Variants in RAB11FIP4 observed in about 807,000 individuals in gnomAD.
RAB11FIP4 encodes rab11 family-interacting protein 4.
A neutral mutation model predicts 74.3 loss-of-function variants in RAB11FIP4; 23 were observed. That is an observed-to-expected ratio of 0.31 (90% CI 0.22 to 0.44). RAB11FIP4 has a LOEUF of 0.44. Among genes scored for constraint, RAB11FIP4 ranks in the 20% least tolerant of loss-of-function variants. The pLI, the probability that RAB11FIP4 is intolerant of heterozygous loss-of-function variation, is 1.00. For missense variants in RAB11FIP4, 630 were observed against 863.9 expected, an observed-to-expected ratio of 0.73 and a Z score of 3.39; for synonymous variants, 360 against 359.9, an observed-to-expected ratio of 1.00 and a Z score of 0.00.
In RAB11FIP4 at chr17:31,504,918, C is replaced by A. The variant is rs116184641; in HGVS notation, c.337-12733C>A. Among the ~76,000 whole-genome samples the A allele has an allele frequency of 4.4e-3, 667 of 152,294 alleles. 3 individuals carry two copies. Among genetic ancestry groups the A allele is most frequent in the African/African-American group, 0.015 (636 of 41,560 alleles). On this transcript the variant is annotated intron_variant, in intron 3 of 14. Coordinates refer to ENST00000621161, the MANE Select transcript of RAB11FIP4 (RefSeq NM_032932.6). ...ATCACCCGAGAACTTGTTAGAAATG[C>A]GTTTTCTTCCAGCCTGCCTCAACCT...
rs560760611 is a variant in RAB11FIP4 at position 31,392,202 on chromosome 17, C to T, written c.159+191C>T. On this transcript the variant is annotated intron_variant, in intron 1 of 14. Coordinates refer to ENST00000621161, the MANE Select transcript of RAB11FIP4 (RefSeq NM_032932.6). Reference sequence around the variant, plus strand: ...GGCCCAGCCGGGCCCTCGCTTTCCGCCCCCCGGCGCCCGTGCCCCGAGCGT... The same window carrying T: ...GGCCCAGCCGGGCCCTCGCTTTCCGTCCCCCGGCGCCCGTGCCCCGAGCGT... 3.0e-3 allele frequency: 1,171 copies of T among 389,088 alleles called. 5 individuals carry two copies. Among genetic ancestry groups the T allele is most frequent in the Non-Finnish European group, 3.4e-3 (780 of 229,054 alleles). The allele number at this position is 389,088 out of a possible 1,614,324, so 24.1% of individuals were successfully genotyped here.
At chr17:31,447,579 A>G (rs1215910585) in intron 3 of RAB11FIP4, among the ~76,000 whole-genome samples, 1 of 152,024 alleles carries the variant, frequency 6.6e-6, no homozygotes, top group Non-Finnish European at 1.5e-5. Context: ...CTGGAGTGCA[A>G]TAGTACGATC....
At chr17:31,416,582 C>G (rs75556842) in intron 1 of RAB11FIP4, among the ~76,000 whole-genome samples, 5,228 of 152,288 alleles carry the variant, frequency 0.034, 154 homozygotes, top group Non-Finnish European at 0.055. Flanking sequence ...TATTGTGTGC[C>G]CTGATGTCAG....
chr17:31,452,180 C>T (rs1001885420), intron 3 of RAB11FIP4, among the ~76,000 whole-genome samples: 3 of 152,084 alleles, frequency 2.0e-5, no homozygotes, highest in African/African-American at 7.2e-5. Flanking sequence ...TCCTGTCATC[C>T]CCCACTGGCC....
intron 3 of RAB11FIP4, among the ~76,000 whole-genome samples, chr17:31,489,744 G>A (rs1180248365): frequency 6.6e-6 from 1 of 152,190 alleles, no homozygotes; most frequent in Non-Finnish European, 1.5e-5. Context: ...AGTGTCGCCT[G>A]GCGGGGTGAG....
chr17:31,418,463 A>ATTTTTTT (rs71142049), intron 1 of RAB11FIP4, among the ~76,000 whole-genome samples: 11 of 134,268 alleles, frequency 8.2e-5, no homozygotes, highest in African/African-American at 2.3e-4. Flanking sequence ...AGTTCCCTTG[A>ATTTTTTT]TTTTTTTTTT....
rs2072930683 is a variant in RAB11FIP4 at position 31,534,800 on chromosome 17, T to C, written c.*3068T>C. ...CAGTAACTTATCTGAAATTTAGAGG[T>C]GTTTTGGGGGTGGGGCGAGGGTTTC... On this transcript the variant is annotated 3_prime_UTR_variant, in exon 15 of 15. Coordinates refer to ENST00000621161, the MANE Select transcript of RAB11FIP4 (RefSeq NM_032932.6). 6.5e-6 allele frequency: 1 copy of C among 153,788 alleles called. No individual in the cohort carries two copies. Among genetic ancestry groups the C allele is most frequent in the Non-Finnish European group, 1.5e-5 (1 of 68,164 alleles). The allele number at this position is 153,788 out of a possible 1,614,324, so 9.5% of individuals were successfully genotyped here. A position where few individuals can be genotyped will look rare whatever the true frequency, so the allele number is the denominator to read the frequency against.
At chr17:31,499,446 C>T (rs1246160814) in intron 3 of RAB11FIP4, among the ~76,000 whole-genome samples, 1 of 152,116 alleles carries the variant, frequency 6.6e-6, no homozygotes, top group Non-Finnish European at 1.5e-5. Context: ...ACCTCCTACT[C>T]CCTGGTTCAA....
chr17:31,444,371 GA>G (rs893190124), intron 3 of RAB11FIP4, among the ~76,000 whole-genome samples: 2 of 149,046 alleles, frequency 1.3e-5, no homozygotes, highest in African/African-American at 2.5e-5. Context: ...CTTCTAAAGA[GA>G]AAAAAAAATC....
At chr17:31,488,096 G>A in intron 3 of RAB11FIP4, 1 of 1,017,172 alleles carries the variant, frequency 9.8e-7, no homozygotes, top group Non-Finnish European at 1.2e-6. Context: ...CGGGGGCGGG[G>A]CCGCGCCTTC....
At chr17:31,505,614 A>ATAATACATAATTAT (rs2072325185) in intron 3 of RAB11FIP4, among the ~76,000 whole-genome samples, 2 of 37,936 alleles carry the variant, frequency 5.3e-5, no homozygotes, top group African/African-American at 2.1e-4. Context: ...TAATAATTAT[A>ATAATACATAATTAT]TATAATATAT....
chr17:31,495,007 A>G (rs1029943009), intron 3 of RAB11FIP4, among the ~76,000 whole-genome samples: 4 of 152,112 alleles, frequency 2.6e-5, no homozygotes, highest in African/African-American at 9.7e-5. Flanking sequence ...ATGGCCCTCC[A>G]CACCTCGGCC....
chr17:31,522,764 C>G (rs539168719), intron 7 of RAB11FIP4: 37 of 304,188 alleles, frequency 1.2e-4, no homozygotes, highest in African/African-American at 7.6e-4. Context: ...AGGCGGGGAT[C>G]TGGGCATGAG....
At chr17:31,469,705 C>T (rs1197437700) in intron 3 of RAB11FIP4, among the ~76,000 whole-genome samples, 3 of 151,406 alleles carry the variant, frequency 2.0e-5, no homozygotes, top group Non-Finnish European at 4.4e-5. Context: ...TAAGGAAAGG[C>T]CTCTTTGAGA....
rs372561240 is a variant in RAB11FIP4, at chr17:31,537,218, C to T, written c.*5486C>T. ...TTCTACATCGTCTCATCTCCCTGGC[C>T]TTTCCCGAGCCCTGTAAATGTGTAC... On this transcript the variant is annotated 3_prime_UTR_variant, in exon 15 of 15. Coordinates refer to ENST00000621161, the MANE Select transcript of RAB11FIP4 (RefSeq NM_032932.6). 2.5e-6 allele frequency: 1 copy of T among 399,284 alleles called. No individual in the cohort carries two copies. 24.7% of individuals were successfully genotyped at this position (399,284 alleles called of 1,614,324 possible). A position where few individuals can be genotyped will look rare whatever the true frequency, so the allele number is the denominator to read the frequency against.
chr17:31,520,657 G>A (rs77975563), intron 4 of RAB11FIP4, among the ~76,000 whole-genome samples: 6,030 of 152,032 alleles, frequency 0.04, 371 homozygotes, highest in East Asian at 0.28. Context: ...ACAGGTGCTC[G>A]CCACCACGCC....
At chr17:31,426,880 G>A (rs541777075) in intron 1 of RAB11FIP4, among the ~76,000 whole-genome samples, 62 of 152,048 alleles carry the variant, frequency 4.1e-4, no homozygotes, top group Admixed American at 1.6e-3. Context: ...GATTACGGGC[G>A]CCAGGCACCA....
chr17:31,518,940 C>G (rs2072611917), intron 4 of RAB11FIP4, among the ~76,000 whole-genome samples: 1 of 151,456 alleles, frequency 6.6e-6, no homozygotes, highest in Non-Finnish European at 1.5e-5. Context: ...TCAAGCGATT[C>G]TCCTGCCTCA....
chr17:31,464,089 T>C (rs922362167), intron 3 of RAB11FIP4, among the ~76,000 whole-genome samples: 1 of 152,032 alleles, frequency 6.6e-6, no homozygotes, highest in African/African-American at 2.4e-5. Flanking sequence ...GCTAGGATTA[T>C]AGGCGTGAGC....
Sources: gnomAD v4.1 joint callset for allele counts (sites outside exome capture counted in the v4.1 genomes callset) on GRCh38, gnomAD v4.1.1 for gene constraint, MANE v1.5 for transcripts, NCBI Gene and HGNC (gene_info 2026-07-23, HGNC 2026-07-21) for gene names.